Variants in LPIN1 observed in about 807,000 individuals in gnomAD.
LPIN1 encodes lipin 1.
In LPIN1, 71 loss-of-function variants were observed where a neutral mutation model predicts 107.5. That is an observed-to-expected ratio of 0.66 (90% CI 0.55 to 0.80). The LOEUF (loss-of-function observed/expected upper bound fraction) is 0.80. LPIN1 is among the 30% of genes least tolerant of loss of function. The pLI, the probability that LPIN1 is intolerant of heterozygous loss-of-function variation, is 0.00. For synonymous variants in LPIN1, 445 were observed against 452.6 expected, an observed-to-expected ratio of 0.98 and a Z score of 0.21; for missense variants, 1,043 against 1,160.6, an observed-to-expected ratio of 0.90 and a Z score of 1.47.
chr2:11,701,277 G>T (rs1036906256), intron 1 of LPIN1, among the ~76,000 whole-genome samples: 1 of 152,146 alleles, frequency 6.6e-6, no homozygotes, highest in African/African-American at 2.4e-5. Context: ...ACTAGTTTCT[G>T]CATCTGTTTT....
At chr2:11,739,845 A>T (rs769490051) in intron 1 of LPIN1, among the ~76,000 whole-genome samples, 1 of 152,236 alleles carries the variant, frequency 6.6e-6, no homozygotes, top group Non-Finnish European at 1.5e-5. Context: ...TAAAACGGCT[A>T]CTATTTATAT....
rs1242039464 is a variant in LPIN1 at position 11,738,398 on chromosome 2, A to AAG, written c.-71-2950_-71-2949insGA. On this transcript the variant is annotated intron_variant, in intron 1 of 21. Coordinates refer to the LPIN1 transcript ENST00000396097. Reference sequence around the variant, plus strand: ...TTAAGGTATAATTAAAAAAAAAAAAAAAGAAGAAGAAGAGGGGAGGGTGTC... The same window carrying AAG: ...TTAAGGTATAATTAAAAAAAAAAAAAAGAAGAAGAAGAAGAGGGGAGGGTGTC... 2.6e-3 allele frequency among the ~76,000 whole-genome samples: 388 copies of AAG among 147,906 alleles called. 2 individuals are homozygous for AAG. Among genetic ancestry groups the AAG allele is most frequent in the African/African-American group, 0.01 (379 of 37,846 alleles).
chr2:11,726,443 C>T (rs1186050303), intron 1 of LPIN1, among the ~76,000 whole-genome samples: 1 of 152,156 alleles, frequency 6.6e-6, no homozygotes, highest in Non-Finnish European at 1.5e-5. Context: ...AAACGTGTTG[C>T]TCCACTGTTA....
chr2:11,747,498 G>T (rs1667143212), intron 1 of LPIN1, among the ~76,000 whole-genome samples: 1 of 152,184 alleles, frequency 6.6e-6, no homozygotes, highest in African/African-American at 2.4e-5. Context: ...AAGACAACTG[G>T]CAGTATTAAT....
chr2:11,726,332 G>A (rs1664649211), intron 1 of LPIN1, among the ~76,000 whole-genome samples: 1 of 152,184 alleles, frequency 6.6e-6, no homozygotes, highest in African/African-American at 2.4e-5. Flanking sequence ...GTCTCCATCT[G>A]TCTTCCCATA....
At chr2:11,819,365 A>C (rs771853945) in intron 18 of LPIN1, 119 bp from the exon 19 acceptor site, 7 of 745,756 alleles carry the variant, frequency 9.4e-6, no homozygotes, top group Admixed American at 5.6e-5. Context: ...CCTGACACAC[A>C]CTAAACTTTT....
intron 10 of LPIN1, among the ~76,000 whole-genome samples, chr2:11,785,976 A>C (rs982583378): frequency 7.2e-5 from 11 of 152,028 alleles, no homozygotes; most frequent in African/African-American, 2.4e-4. Context: ...ACCCAGCCTC[A>C]CTGTGTTTCT....
rs1410528375 is a variant in LPIN1, at chr2:11,783,727, G to T, written c.1265-102G>T. On this transcript the variant is annotated intron_variant, in intron 8 of 20. Transcript: ENST00000674199. ...TCTTGGGCAGTTTGAGTACCTGGGA[G>T]CAAATCTGCACATAGTGTTTAAATG... is the stretch of plus-strand genomic sequence containing the variant. 3.1e-6 allele frequency: 3 copies of T among 968,222 alleles called. No homozygotes were observed. In the East Asian group the frequency reaches 7.2e-5, roughly 23 times the overall value. 60.0% of individuals were successfully genotyped at this position (968,222 alleles called of 1,614,324 possible).
intron 13 of LPIN1, 113 bp from the exon 14 acceptor site, chr2:11,795,295 G>T: frequency 1.2e-6 from 1 of 860,168 alleles, no homozygotes; most frequent in Non-Finnish European, 2.0e-6. Flanking sequence ...CGTCATTGGG[G>T]AATGGTCTAT....
chr2:11,815,353 A>G (rs1406719894), intron 18 of LPIN1, 113 bp downstream of exon 18: 2 of 1,281,004 alleles, frequency 1.6e-6, no homozygotes, highest in East Asian at 5.0e-5. Context: ...CCCAATATCC[A>G]TGCTCCATAG....
At chr2:11,690,054 G>T (rs1662195136) in intron 1 of LPIN1, among the ~76,000 whole-genome samples, 1 of 152,106 alleles carries the variant, frequency 6.6e-6, no homozygotes, top group Non-Finnish European at 1.5e-5. Context: ...TATTAGTCTT[G>T]TCCAGAGTTT....
At chr2:11,719,791 C>CTT (rs67142448), upstream of LPIN1, among the ~76,000 whole-genome samples, 50,093 of 132,710 alleles carry the variant, frequency 0.38, 11,149 homozygotes, top group South Asian at 0.53. Flanking sequence ...CCAATTGCTT[C>CTT]TTTTTTTTTT....
At chr2:11,782,169 C>T in intron 7 of LPIN1, 32 bp from the exon 8 acceptor site, 2 of 1,566,556 alleles carry the variant, frequency 1.3e-6, no homozygotes, top group Non-Finnish European at 1.8e-6. Context: ...GACCTTGTCT[C>T]TCTCTCTGTC....
intron 1 of LPIN1, among the ~76,000 whole-genome samples, chr2:11,760,676 A>T (rs1669672395): frequency 6.7e-6 from 1 of 149,292 alleles, no homozygotes; most frequent in Non-Finnish European, 1.5e-5. Flanking sequence ...CCGTGGAAAG[A>T]GGGACAGGGA....
chr2:11,744,755 G>C (rs1361117273), upstream of LPIN1, among the ~76,000 whole-genome samples: 1 of 152,178 alleles, frequency 6.6e-6, no homozygotes, highest in Non-Finnish European at 1.5e-5. Flanking sequence ...GGAGGTGGGA[G>C]GGGAGGGTGC....
intron 17 of LPIN1, among the ~76,000 whole-genome samples, chr2:11,808,227 A>T (rs1679049733): frequency 6.6e-6 from 1 of 152,140 alleles, no homozygotes; most frequent in Non-Finnish European, 1.5e-5. Context: ...GGTCCCCATC[A>T]TGGAGGACAG....
At chr2:11,811,841 T>C (rs12611804) in intron 17 of LPIN1, among the ~76,000 whole-genome samples, 45,062 of 151,912 alleles carry the variant, frequency 0.3, 7,427 homozygotes, top group African/African-American at 0.45. Context: ...AAAAATTAGC[T>C]GGGCGTGGTA....
intron 1 of LPIN1, among the ~76,000 whole-genome samples, chr2:11,740,003 A>G (rs766045407): frequency 2.0e-5 from 3 of 152,238 alleles, no homozygotes; most frequent in Non-Finnish European, 4.4e-5. Flanking sequence ...GAGAAGTCCT[A>G]TGATTTGCTG....
intron 19 of LPIN1, among the ~76,000 whole-genome samples, 173 bp downstream of exon 19, chr2:11,819,771 C>T (rs752831093): frequency 6.6e-5 from 10 of 152,132 alleles, no homozygotes; most frequent in Non-Finnish European, 1.3e-4. Context: ...TACAAATTAT[C>T]TTATGGCTTC....
Sources: allele counts gnomAD v4.1 joint callset (sites outside exome capture counted in the v4.1 genomes callset), GRCh38; gene constraint gnomAD v4.1.1; transcripts MANE v1.5; gene names NCBI Gene and HGNC (gene_info 2026-07-23, HGNC 2026-07-21).